The following IGSF9B variants were observed in gnomAD, a reference collection of about 807,000 sequenced individuals.
The protein encoded by IGSF9B is immunoglobulin superfamily member 9B.
In IGSF9B, 48 loss-of-function variants were observed where a neutral mutation model predicts 143.7. That is an observed-to-expected ratio of 0.33 (90% CI 0.26 to 0.42). The LOEUF (loss-of-function observed/expected upper bound fraction) is 0.42. IGSF9B is among the 20% of genes least tolerant of loss of function. The pLI is 1.00. For missense variants in IGSF9B, 1,706 were observed against 1,980.0 expected (o/e 0.86, Z 2.63); for synonymous variants, 903 against 833.1 (o/e 1.08, Z -1.44).
rs543926637 is a variant in IGSF9B at position 133,945,487 on chromosome 11, C to A, written c.262+574G>T. On this transcript the variant is annotated intron_variant, in intron 2 of 19. Transcript: ENST00000533871. This position sits in a 1 kb window ranked among gnomAD's most constrained non-coding sequence, Gnocchi z 4.6. ...GCACACGCACGCACACACACACCCA[C>A]GCCCTCCTCTCCCGCGGGCTGGGGG... is the stretch of plus-strand genomic sequence containing the variant. Among the ~76,000 whole-genome samples, 1 of 152,182 alleles carries A rather than the reference C, an allele frequency of 6.6e-6. No individual in the cohort carries two copies. The highest frequency in any genetic ancestry group is 1.5e-5 in the Non-Finnish European group (1 of 68,034).
chr11:133,938,013 C>A, intron 3 of IGSF9B, 52 bp from the exon 4 acceptor site: 1 of 1,585,786 alleles, frequency 6.3e-7, no homozygotes, highest in Non-Finnish European at 8.6e-7. Flanking sequence ...ACATCGCTGC[C>A]CTGCAACAAC....
At chr11:133,926,559 T>C (rs1028829952) in intron 13 of IGSF9B, among the ~76,000 whole-genome samples, 1 of 152,238 alleles carries the variant, frequency 6.6e-6, no homozygotes, top group Non-Finnish European at 1.5e-5. Context: ...GGCAGCCACA[T>C]GCCTACCGCC....
intron 18 of IGSF9B, among the ~76,000 whole-genome samples, chr11:133,916,189 G>C (rs574221584): frequency 6.6e-6 from 1 of 152,272 alleles, no homozygotes; most frequent in South Asian, 2.1e-4. Context: ...AATTGGCTCG[G>C]CCTCCCCACA....
At chr11:133,952,742 CACAT>C (rs1049909293) in intron 1 of IGSF9B, among the ~76,000 whole-genome samples, 4 of 151,956 alleles carry the variant, frequency 2.6e-5, no homozygotes, top group African/African-American at 9.7e-5. Flanking sequence ...CAGGGGCACA[CACAT>C]ATGTACACAT....
chr11:133,912,044 C>T (rs772491362), intron 18 of IGSF9B, 37 bp from the exon 19 acceptor site: 5 of 1,495,830 alleles, frequency 3.3e-6, no homozygotes, highest in Non-Finnish European at 3.5e-6. Flanking sequence ...ATTCAGCTCC[C>T]GGATGTGTGA....
chr11:133,931,979 A>C lies in IGSF9B; in HGVS notation c.1110+92T>G, dbSNP rs1024743758. 1.1e-5 allele frequency: 17 copies of C among 1,528,232 alleles called. No individual in the cohort carries two copies. The African/African-American group carries it at 2.2e-4, about 20-fold the overall frequency. 94.7% of individuals were successfully genotyped at this position (1,528,232 alleles called of 1,614,324 possible). On this transcript the variant is annotated intron_variant, in intron 8 of 19. Transcript: ENST00000533871. This position sits in a 1 kb window ranked among gnomAD's most constrained non-coding sequence, Gnocchi z 7.7. ...TTGCCCAGGGCTTTTGGAAGGGGCC[A>C]GGAGTCCTGGCAGAAATCCAGAGCC...
At chr11:133,921,511 A>C in intron 17 of IGSF9B, 114 bp from the exon 18 acceptor site, 1 of 758,728 alleles carries the variant, frequency 1.3e-6, no homozygotes, top group Non-Finnish European at 2.0e-6. Flanking sequence ...GCTCAAGAAA[A>C]CTGGCTGTGT....
intron 16 of IGSF9B, 72 bp downstream of exon 16, chr11:133,922,497 T>G: frequency 6.8e-7 from 1 of 1,462,388 alleles, no homozygotes; most frequent in Non-Finnish European, 9.4e-7. Flanking sequence ...ATGCTAAAAA[T>G]GGTCCACCTC....
Position 133,931,375 on chromosome 11 carries a change from C to T in IGSF9B, c.1368+78G>A, listed in dbSNP as rs2121310678. 8.9e-7 allele frequency: 1 copy of T among 1,127,674 alleles called. No homozygotes were observed. The highest frequency in any genetic ancestry group is 2.4e-5 in the East Asian group (1 of 41,142). 69.9% of individuals were successfully genotyped at this position (1,127,674 alleles called of 1,614,324 possible). ...CCTCAGCCCCGGGGCTCGCTGGGCC[C>T]TCAAACCTCCCCGCAGCCCCAGGGC... On this transcript the variant is annotated intron_variant, in intron 10 of 19. Coordinates refer to ENST00000533871, the MANE Select transcript of IGSF9B (RefSeq NM_001277285.4). This position sits in a 1 kb window ranked among gnomAD's most constrained non-coding sequence, Gnocchi z 7.7.
intron 1 of IGSF9B, among the ~76,000 whole-genome samples, chr11:133,955,880 AC>A (rs1038726198): frequency 1.4e-5 from 2 of 148,056 alleles, no homozygotes; most frequent in South Asian, 2.2e-4. Flanking sequence ...CAGCGTGGGG[AC>A]CCCCCCTTCC....
chr11:133,900,078 T>A lies in IGSF9B; in HGVS notation c.*8991A>T, dbSNP rs1939093417. On this transcript the variant is annotated 3_prime_UTR_variant, in exon 20 of 20. Transcript: ENST00000533871. ...AGGGCCTCATAGGTCCATGTAAGGA[T>A]CAAGAGTTAGACTCAAGCTTTACCC... 1 of 145,532 alleles carries A rather than the reference T, an allele frequency of 6.9e-6. No homozygotes were observed. The highest frequency in any genetic ancestry group is 2.4e-5 in the African/African-American group (1 of 40,848). 9.0% of individuals were successfully genotyped at this position (145,532 alleles called of 1,614,324 possible).
chr11:133,936,405 C>T (rs1939824549), intron 5 of IGSF9B, among the ~76,000 whole-genome samples: 1 of 152,158 alleles, frequency 6.6e-6, no homozygotes, highest in Admixed American at 6.5e-5. Context: ...CCAGCCGCCA[C>T]GCACACCCCC....
rs1204347612 is a variant in IGSF9B at position 133,896,789 on chromosome 11, G to C, written c.*12280C>G. 1 of 152,242 alleles carries C rather than the reference G, an allele frequency of 6.6e-6. No individual in the cohort carries two copies. Among genetic ancestry groups the C allele is most frequent in the Non-Finnish European group, 1.5e-5 (1 of 68,064 alleles). 9.4% of individuals were successfully genotyped at this position (152,242 alleles called of 1,614,324 possible). Reference sequence around the variant, plus strand: ...TTCTCTTCCTGACTGAGTCTGGGGTGTCACTCCATTTTTGACTGCCAAGTC... The same window carrying C: ...TTCTCTTCCTGACTGAGTCTGGGGTCTCACTCCATTTTTGACTGCCAAGTC... On this transcript the variant is annotated 3_prime_UTR_variant, in exon 20 of 20. Coordinates refer to ENST00000533871, the MANE Select transcript of IGSF9B (RefSeq NM_001277285.4).
rs779212352 is a variant in IGSF9B at position 133,920,677 on chromosome 11, A to C, written c.3048T>G (p.Asn1016Lys). Residue 1016 changes from asparagine (N) to lysine (K), a missense_variant, in exon 18 of 20, where the codon AAT (asparagine) becomes AAG (lysine). By Grantham distance (94) the Asn-to-Lys change is moderately conservative. Around this residue, in one of 7 missense-constraint regions of IGSF9B, gnomAD observed 880 missense variants for 762.9 expected, o/e 1.15. Coordinates refer to ENST00000533871, the MANE Select transcript of IGSF9B (RefSeq NM_001277285.4). ...PFGHPTIPEENGENASNSTLP... is the reference protein window; with the variant it reads ...PFGHPTIPEEKGENASNSTLP... Reference sequence around the variant, plus strand: ...GCGTGCTGTTGGATGCATTCTCTCCATTCTCCTCGGGGATGGTGGGGTGGC... The same window carrying C: ...GCGTGCTGTTGGATGCATTCTCTCCCTTCTCCTCGGGGATGGTGGGGTGGC... 1.9e-6 allele frequency: 3 copies of C among 1,613,130 alleles called. No individual in the cohort carries two copies. The African/African-American group carries it at 4.0e-5, about 22-fold the overall frequency.
intron 18 of IGSF9B, chr11:133,919,128 G>GGGGGGC: frequency 3.0e-6 from 1 of 335,538 alleles, no homozygotes; most frequent in Non-Finnish European, 6.0e-6. Context: ...CGGGGGGGGG[G>GGGGGGC]TGGGGGACGT....
At chr11:133,954,503 G>A (rs1430735149) in intron 1 of IGSF9B, among the ~76,000 whole-genome samples, 1 of 152,130 alleles carries the variant, frequency 6.6e-6, no homozygotes, top group Non-Finnish European at 1.5e-5. Flanking sequence ...GGAGGATCTT[G>A]GAATCCCAGG....
At position 133,909,005 on chromosome 11, in the gene IGSF9B, C is replaced by A. The variant is rs1355665243; in HGVS notation, c.*64G>T. ...GCAGACGGAGGAGGACACACCCCCA[C>A]ACAGTGGCCCTCCCTGCCTGAGCCC... On this transcript the variant is annotated 3_prime_UTR_variant, in exon 20 of 20. Transcript: ENST00000533871. This position sits in a 1 kb window ranked among gnomAD's most constrained non-coding sequence, Gnocchi z 4.2. 2 of 1,377,132 alleles carry A rather than the reference C, an allele frequency of 1.5e-6. No homozygotes were observed. Among genetic ancestry groups the A allele is most frequent in the Admixed American group, 4.0e-5 (2 of 50,380 alleles). The allele number at this position is 1,377,132 out of a possible 1,614,324, so 85.3% of individuals were successfully genotyped here. A position where few individuals can be genotyped will look rare whatever the true frequency, so the allele number is the denominator to read the frequency against.
chr11:133,937,333 C>G (rs751898089), intron 5 of IGSF9B, 43 bp downstream of exon 5: 78 of 1,447,886 alleles, frequency 5.4e-5, no homozygotes, highest in Admixed American at 2.4e-4. Flanking sequence ...TGGACATCCC[C>G]GCGGGAGCCC....
chr11:133,929,621 G>A (rs372148021), intron 12 of IGSF9B, 50 bp downstream of exon 12: 4 of 1,351,822 alleles, frequency 3.0e-6, no homozygotes, highest in Non-Finnish European at 4.2e-6. Flanking sequence ...GACCGGGGAG[G>A]GGAGAAGCAG....
Sources: gnomAD v4.1 joint callset for allele counts (sites outside exome capture counted in the v4.1 genomes callset) on GRCh38, gnomAD v4.1.1 for gene constraint, gnomAD v4.1.1 regional missense constraint, Gnocchi (gnomAD v3.1) non-coding constraint, MANE v1.5 for transcripts, NCBI Gene and HGNC (gene_info 2026-07-23, HGNC 2026-07-21) for gene names.